Variants in E2F3 observed in about 807,000 individuals in gnomAD.
E2F3 encodes E2F transcription factor 3, also known as transcription factor E2F3.
A neutral mutation model predicts 44.4 loss-of-function variants in E2F3; 11 were observed. The ratio of observed to expected loss-of-function variants is 0.25; its 90% CI spans 0.16 to 0.41. The LOEUF is 0.41. Ranked by LOEUF, E2F3 falls within the 10% of genes least tolerant of loss-of-function variation. E2F3 has a pLI of 1.00. For synonymous variants in E2F3, 249 were observed against 253.0 expected (o/e 0.98, Z 0.15); for missense variants, 487 against 583.6 (o/e 0.83, Z 1.70).
intron 1 of E2F3, among the ~76,000 whole-genome samples, chr6:20,468,650 A>G (rs1761792751): frequency 6.6e-6 from 1 of 152,202 alleles, no homozygotes; most frequent in Non-Finnish European, 1.5e-5. Context: ...TTGGAGGTTT[A>G]GAGATGGGTC....
At chr6:20,415,414 G>A (rs1290531214) in intron 1 of E2F3, among the ~76,000 whole-genome samples, 10 of 152,160 alleles carry the variant, frequency 6.6e-5, no homozygotes, top group African/African-American at 2.2e-4. Flanking sequence ...TAGTTTGTGG[G>A]CAGTTAACAG....
chr6:20,439,873 T>C (rs983868433), intron 1 of E2F3: 12 of 152,248 alleles, frequency 7.9e-5, no homozygotes, highest in African/African-American at 2.2e-4. Flanking sequence ...ATACTTCATT[T>C]ACCTGACAGT....
chr6:20,456,655 A>C (rs1202635869), intron 1 of E2F3, among the ~76,000 whole-genome samples: 1 of 152,248 alleles, frequency 6.6e-6, no homozygotes, highest in Non-Finnish European at 1.5e-5. Flanking sequence ...AGTCATTACA[A>C]GATTCATTAA....
intron 1 of E2F3, among the ~76,000 whole-genome samples, chr6:20,478,347 G>A (rs1762111969): frequency 6.6e-6 from 1 of 152,218 alleles, no homozygotes; most frequent in African/African-American, 2.4e-5. Context: ...GAAATTCAGT[G>A]TGTATTTTAC....
chr6:20,439,450 G>T (rs1399162520), intron 1 of E2F3, among the ~76,000 whole-genome samples: 1 of 152,162 alleles, frequency 6.6e-6, no homozygotes, highest in African/African-American at 2.4e-5. Context: ...TTCTCCATTA[G>T]ATCTGATTTT....
At chr6:20,481,601 T>A (rs1012772253) in intron 3 of E2F3, among the ~76,000 whole-genome samples, 176 bp downstream of exon 3, 1 of 152,174 alleles carries the variant, frequency 6.6e-6, no homozygotes. Flanking sequence ...GTTTGAAGTC[T>A]CTTTACAAAG....
chr6:20,483,281 A>G (rs1192709731), intron 4 of E2F3, among the ~76,000 whole-genome samples: 1 of 152,198 alleles, frequency 6.6e-6, no homozygotes, highest in African/African-American at 2.4e-5. Flanking sequence ...AATATTAATG[A>G]CAACACTAAG....
rs144423575 is a variant in E2F3, at chr6:20,468,189, A to G, written c.394-11657A>G. Among the ~76,000 whole-genome samples the G allele has an allele frequency of 7.3e-3, 1,114 of 152,316 alleles. 12 individuals carry two copies. The highest frequency in any genetic ancestry group is 0.025 in the African/African-American group (1,057 of 41,576). ...AATTCAATTCTGACACCATCTACCC[A>G]GAGAAGTGTCACATCACACAGATTG... On this transcript the variant is annotated intron_variant, in intron 1 of 6. Transcript: ENST00000346618.
At chr6:20,405,593 G>T (rs1477257448) in intron 1 of E2F3, among the ~76,000 whole-genome samples, 1 of 152,254 alleles carries the variant, frequency 6.6e-6, no homozygotes, top group South Asian at 2.1e-4. Context: ...GGGAAGCCGA[G>T]GGGGGCGGAT....
At chr6:20,452,913 C>T (rs1465679621) in intron 1 of E2F3, among the ~76,000 whole-genome samples, 1 of 152,060 alleles carries the variant, frequency 6.6e-6, no homozygotes, top group Non-Finnish European at 1.5e-5. Flanking sequence ...GAGATCGCAC[C>T]ACTGTACTCC....
chr6:20,403,650 G>T, intron 1 of E2F3: 1 of 527,478 alleles, frequency 1.9e-6, no homozygotes, highest in Non-Finnish European at 3.3e-6. Context: ...GCCTGGGACG[G>T]TCCCGGCGCC....
chr6:20,405,608 C>T (rs1561844915), intron 1 of E2F3, among the ~76,000 whole-genome samples: 2 of 152,096 alleles, frequency 1.3e-5, no homozygotes, highest in Admixed American at 6.5e-5. Context: ...GCGGATCACG[C>T]GGTCAAGAGA....
chr6:20,430,420 A>C (rs1296452168), intron 1 of E2F3, among the ~76,000 whole-genome samples: 1 of 152,240 alleles, frequency 6.6e-6, no homozygotes, highest in Non-Finnish European at 1.5e-5. Flanking sequence ...TTTACTTTAC[A>C]AAGTATTAAG....
At chr6:20,436,478 CAGAGAGAG>C (rs1253677474) in intron 1 of E2F3, among the ~76,000 whole-genome samples, 12 of 125,456 alleles carry the variant, frequency 9.6e-5, no homozygotes, top group African/African-American at 3.4e-4. Context: ...CACACACACA[CAGAGAGAG>C]AGAGAGAGAA....
At chr6:20,483,176 C>T (rs4134943) in intron 4 of E2F3, among the ~76,000 whole-genome samples, 24,446 of 152,008 alleles carry the variant, frequency 0.16, 2,216 homozygotes, top group Middle Eastern at 0.32. Flanking sequence ...CAGGTGGGAA[C>T]TGTTTTTTAA....
chr6:20,465,819 A>ATG (rs200098167), intron 1 of E2F3, among the ~76,000 whole-genome samples: 41 of 152,292 alleles, frequency 2.7e-4, no homozygotes, highest in African/African-American at 9.9e-4. Flanking sequence ...ATATATATAT[A>ATG]TACCACAGTT....
intron 1 of E2F3, among the ~76,000 whole-genome samples, chr6:20,472,025 AACAC>A (rs57925127): frequency 0.16 from 22,343 of 138,284 alleles, 1,704 homozygotes; most frequent in East Asian, 0.3. Context: ...CCCCCCCTCC[AACAC>A]ACACACACAC....
At chr6:20,463,558 G>A (rs1288559433) in intron 1 of E2F3, among the ~76,000 whole-genome samples, 5 of 151,966 alleles carry the variant, frequency 3.3e-5, no homozygotes, top group African/African-American at 9.7e-5. Context: ...TTCGGCTTTC[G>A]TATCTCTGGG....
At chr6:20,433,061 T>G (rs960412283) in intron 1 of E2F3, among the ~76,000 whole-genome samples, 1 of 152,218 alleles carries the variant, frequency 6.6e-6, no homozygotes. Flanking sequence ...CTCTTTTGTT[T>G]GCCTAGTGCC....
Sources: allele counts gnomAD v4.1 joint callset (sites outside exome capture counted in the v4.1 genomes callset), GRCh38; gene constraint gnomAD v4.1.1; transcripts MANE v1.5; gene names NCBI Gene and HGNC (gene_info 2026-07-23, HGNC 2026-07-21).